The following TMCO5A variants were observed in gnomAD, a reference collection of about 807,000 sequenced individuals.
The protein encoded by TMCO5A is transmembrane and coiled-coil domains 5A, also known as transmembrane and coiled-coil domain-containing protein 5A.
Under a neutral mutation model 42.3 loss-of-function variants are expected in TMCO5A, and 34 were observed. The ratio of observed to expected loss-of-function variants is 0.80; its 90% CI spans 0.61 to 1.07. The LOEUF is 1.07. Among genes scored for constraint, TMCO5A ranks in the 50% least tolerant of loss-of-function variants. The probability of loss-of-function intolerance (pLI) is 0.00; values close to 1 mark genes in which losing one functional copy is unlikely to be tolerated. For missense variants in TMCO5A, 357 were observed against 327.9 expected, an observed-to-expected ratio of 1.09 and a Z score of -0.69; for synonymous variants, 131 against 115.6, an observed-to-expected ratio of 1.13 and a Z score of -0.86.
At chr15:37,938,119 C>A (rs777704144) in intron 5 of TMCO5A, 39 bp from the exon 6 acceptor site, 1 of 1,515,708 alleles carries the variant, frequency 6.6e-7, no homozygotes, top group African/African-American at 1.4e-5. Context: ...TTGCCTTCTA[C>A]ACCTTTTAAT....
intron 10 of TMCO5A, among the ~76,000 whole-genome samples, chr15:37,947,356 T>G (rs1035042917): frequency 3.9e-5 from 6 of 151,914 alleles, no homozygotes; most frequent in Non-Finnish European, 5.9e-5. Flanking sequence ...GAATGTGGAG[T>G]CAGAGTATCC....
chr15:37,963,521 A>G (rs1055793428), intron 11 of TMCO5A, among the ~76,000 whole-genome samples: 3 of 152,126 alleles, frequency 2.0e-5, no homozygotes, highest in African/African-American at 7.2e-5. Flanking sequence ...TAGAATGTGT[A>G]TTGTGCAGTT....
chr15:37,979,645 G>A, the TMCO5A span, among the ~76,000 whole-genome samples: 1 of 151,954 alleles, frequency 6.6e-6, no homozygotes, highest in Non-Finnish European at 1.5e-5. Flanking sequence ...AAAACAGAGT[G>A]GCCACTTTTC....
downstream of TMCO5A, among the ~76,000 whole-genome samples, chr15:37,971,958 G>T (rs1339134792): frequency 6.6e-6 from 1 of 152,130 alleles, no homozygotes; most frequent in Non-Finnish European, 1.5e-5. Flanking sequence ...CCTCCAAACT[G>T]TTCCAACCTC....
intron 11 of TMCO5A, among the ~76,000 whole-genome samples, chr15:37,965,665 C>T (rs138591918): frequency 6.6e-6 from 1 of 152,126 alleles, no homozygotes; most frequent in African/African-American, 2.4e-5. Context: ...AGGTACTTGA[C>T]ATCATTGATC....
the TMCO5A span, among the ~76,000 whole-genome samples, chr15:37,983,332 A>G: frequency 6.6e-6 from 1 of 152,330 alleles, no homozygotes; most frequent in East Asian, 1.9e-4. Context: ...AGCCAGATTC[A>G]CTGAGTAAAC....
At chr15:37,956,844 A>G (rs965002936) in intron 11 of TMCO5A, among the ~76,000 whole-genome samples, 3 of 152,168 alleles carry the variant, frequency 2.0e-5, no homozygotes, top group Non-Finnish European at 4.4e-5. Context: ...ATCCACAATA[A>G]AATACTGGCA....
At chr15:37,977,277 G>T in the TMCO5A span, among the ~76,000 whole-genome samples, 1 of 152,160 alleles carries the variant, frequency 6.6e-6, no homozygotes, top group Non-Finnish European at 1.5e-5. Context: ...TTGTTTGGAG[G>T]TAAGAAGACA....
downstream of TMCO5A, among the ~76,000 whole-genome samples, chr15:37,968,871 G>A (rs147720799): frequency 1.2e-4 from 18 of 152,110 alleles, no homozygotes; most frequent in Admixed American, 5.9e-4. Flanking sequence ...GTGAGCCACC[G>A]CACCCGGCCT....
the TMCO5A span, among the ~76,000 whole-genome samples, chr15:38,018,951 T>C: frequency 6.6e-6 from 1 of 152,176 alleles, no homozygotes; most frequent in African/African-American, 2.4e-5. Context: ...TGTGGAAAAG[T>C]AGTTTAAACC....
downstream of TMCO5A, among the ~76,000 whole-genome samples, chr15:37,953,386 T>C (rs1157057268): frequency 6.6e-6 from 1 of 152,038 alleles, no homozygotes; most frequent in African/African-American, 2.4e-5. Flanking sequence ...ATGCCATTCA[T>C]TTGGGGGGAA....
chr15:37,984,128 G>A, the TMCO5A span, among the ~76,000 whole-genome samples: 4 of 152,278 alleles, frequency 2.6e-5, no homozygotes, highest in Non-Finnish European at 4.4e-5. Context: ...TCCTCTCCAT[G>A]CTTCTGTAAA....
At chr15:37,990,693 T>C in the TMCO5A span, among the ~76,000 whole-genome samples, 2 of 152,198 alleles carry the variant, frequency 1.3e-5, no homozygotes, top group East Asian at 1.9e-4. Context: ...TTTATCTTTT[T>C]TCACCCTCAT....
At chr15:37,999,605 C>T in the TMCO5A span, among the ~76,000 whole-genome samples, 1 of 152,084 alleles carries the variant, frequency 6.6e-6, no homozygotes, top group Non-Finnish European at 1.5e-5. Context: ...TTGTCATGTT[C>T]CAGGTCTTAG....
the TMCO5A span, among the ~76,000 whole-genome samples, chr15:38,035,074 A>G: frequency 6.6e-6 from 1 of 152,162 alleles, no homozygotes; most frequent in Non-Finnish European, 1.5e-5. Flanking sequence ...GAGCTTGCAG[A>G]CTGGAGTATG....
chr15:37,995,224 A>G, the TMCO5A span, among the ~76,000 whole-genome samples: 1 of 152,004 alleles, frequency 6.6e-6, no homozygotes, highest in Admixed American at 6.5e-5. Flanking sequence ...AAAGACCACT[A>G]CAGAGGTAAA....
At chr15:38,022,323 G>A in the TMCO5A span, among the ~76,000 whole-genome samples, 1 of 152,260 alleles carries the variant, frequency 6.6e-6, no homozygotes, top group South Asian at 2.1e-4. Context: ...TCAGTGCAAA[G>A]AAGAAATGCA....
the TMCO5A span, among the ~76,000 whole-genome samples, chr15:38,005,483 G>A: frequency 6.6e-6 from 1 of 151,652 alleles, no homozygotes; most frequent in Admixed American, 6.6e-5. Context: ...CAGGTGTCAG[G>A]GGAGGATCCC....
At chr15:38,030,642 G>A in the TMCO5A span, among the ~76,000 whole-genome samples, 5 of 152,120 alleles carry the variant, frequency 3.3e-5, no homozygotes, top group Admixed American at 6.6e-5. Flanking sequence ...TCGACCTGAC[G>A]TGACCCTGAT....
Sources: allele counts gnomAD v4.1 joint callset (sites outside exome capture counted in the v4.1 genomes callset), GRCh38; gene constraint gnomAD v4.1.1; transcripts MANE v1.5; gene names NCBI Gene and HGNC (gene_info 2026-07-23, HGNC 2026-07-21).